PDE11A: variants seen among roughly 807,000 people sequenced by gnomAD.
PDE11A encodes the protein phosphodiesterase 11A, also known as dual 3',5'-cyclic-AMP and -GMP phosphodiesterase 11A.
In PDE11A, 100 loss-of-function variants were observed where a neutral mutation model predicts 100.5. The ratio of observed to expected loss-of-function variants is 1.00; its 90% CI spans 0.85 to 1.18. The LOEUF (loss-of-function observed/expected upper bound fraction) is 1.18, where lower values mean the gene tolerates loss of function less well. Ranked by LOEUF, PDE11A falls within the 50% of genes most tolerant of loss-of-function variation. The probability of loss-of-function intolerance (pLI) is 0.00; values close to 1 mark genes in which losing one functional copy is unlikely to be tolerated. For missense variants in PDE11A, 1,141 were observed against 1,152.6 expected (o/e 0.99, Z 0.15); for synonymous variants, 381 against 420.8 (o/e 0.91, Z 1.16).
In PDE11A at chr2:178,014,522, G is replaced by C. The variant is rs1277359342; in HGVS notation, c.913-62C>G. The C allele has an allele frequency of 1.2e-5, 17 of 1,369,128 alleles. No individual in the cohort carries two copies. The Admixed American group carries it at 1.6e-4, about 13-fold the overall frequency. 84.8% of individuals were successfully genotyped at this position (1,369,128 alleles called of 1,614,324 possible). ...CATTGTTGTCAGGGAGAAGGAGAGA[G>C]AGGTTTATTTCTGCATATGATACCT... On this transcript the variant is annotated intron_variant, in intron 1 of 19. Transcript: ENST00000286063.
At chr2:178,068,518 G>C (rs962583614) in intron 1 of PDE11A, among the ~76,000 whole-genome samples, 1 of 150,474 alleles carries the variant, frequency 6.6e-6, no homozygotes, top group African/African-American at 2.4e-5. Flanking sequence ...AATTCTGTGT[G>C]ATAAAAAAAA....
intron 5 of PDE11A, among the ~76,000 whole-genome samples, chr2:177,843,347 G>T (rs1351628458): frequency 1.3e-5 from 2 of 152,174 alleles, no homozygotes; most frequent in African/African-American, 2.4e-5. Flanking sequence ...AGAATAGTGG[G>T]TTGTCACCTA....
intron 2 of PDE11A, among the ~76,000 whole-genome samples, chr2:178,094,672 A>C (rs1023076103): frequency 6.6e-6 from 1 of 152,226 alleles, no homozygotes; most frequent in Non-Finnish European, 1.5e-5. Flanking sequence ...AGAGTGTTCT[A>C]GTCTATTTTC....
rs41394144 is a variant in PDE11A, at chr2:177,634,915, T to C, written c.2647-5353A>G. Among the ~76,000 whole-genome samples the C allele has an allele frequency of 8.5e-3, 1,292 of 152,290 alleles. 23 individuals carry two copies. The highest frequency in any genetic ancestry group is 0.029 in the African/African-American group (1,198 of 41,560). The stretch of plus-strand genomic sequence containing the variant: ...GAGAATGCTATTGTCTAGTTTGACT[T>C]GCTCCTCAGTGAAAGAGAAGGGGGG... On this transcript the variant is annotated intron_variant, in intron 19 of 19. Coordinates refer to ENST00000286063, the MANE Select transcript of PDE11A (RefSeq NM_016953.4).
chr2:177,861,723 A>G (rs13001148), intron 5 of PDE11A, among the ~76,000 whole-genome samples: 15,842 of 151,948 alleles, frequency 0.1, 1,137 homozygotes, highest in Non-Finnish European at 0.15. Flanking sequence ...GCATGAAGAC[A>G]TACAGATTAA....
rs2079796503 is a variant in PDE11A at position 177,623,828 on chromosome 2, G to A, written c.*5579C>T. ...TAAACAATTTATCTTTAGCAGTGAG[G>A]AGAGAGGTACCAAACATGCAAGAAC... On this transcript the variant is annotated 3_prime_UTR_variant, in exon 20 of 20. Coordinates refer to ENST00000286063, the MANE Select transcript of PDE11A (RefSeq NM_016953.4). 1 of 152,184 alleles carries A rather than the reference G, an allele frequency of 6.6e-6. No homozygotes were observed. Among genetic ancestry groups the A allele is most frequent in the African/African-American group, 2.4e-5 (1 of 41,450 alleles). 9.4% of individuals were successfully genotyped at this position (152,184 alleles called of 1,614,324 possible).
At chr2:177,726,921 GC>G (rs2081607886) in intron 12 of PDE11A, among the ~76,000 whole-genome samples, 1 of 151,844 alleles carries the variant, frequency 6.6e-6, no homozygotes, top group African/African-American at 2.4e-5. Flanking sequence ...ACATATTTAA[GC>G]CAGAAAACAT....
intron 15 of PDE11A, among the ~76,000 whole-genome samples, chr2:177,695,010 T>G (rs1312966049): frequency 6.6e-6 from 1 of 151,792 alleles, no homozygotes; most frequent in African/African-American, 2.4e-5. Flanking sequence ...TTTTTTTTTC[T>G]GTTTGTTTGG....
At chr2:177,667,896 C>G (rs776943031) in intron 18 of PDE11A, among the ~76,000 whole-genome samples, 68 of 152,158 alleles carry the variant, frequency 4.5e-4, no homozygotes, top group Non-Finnish European at 7.5e-4. Flanking sequence ...CTCCTGGGAC[C>G]ATGATACCTG....
At position 177,927,826 on chromosome 2, in the gene PDE11A, C is replaced by T. The variant is rs367922009; in HGVS notation, c.1072-22639G>A. Among the ~76,000 whole-genome samples, 299 of 152,032 alleles carry T rather than the reference C, an allele frequency of 2.0e-3. 3 individuals are homozygous for T. The South Asian group carries it at 0.023, about 12-fold the overall frequency. ...CAGTGGATTTTAAAAGAACATAGTC[C>T]GGATACGGTGGCTCATGCCTGTAAT... On this transcript the variant is annotated intron_variant, in intron 2 of 19. Coordinates refer to ENST00000286063, the MANE Select transcript of PDE11A (RefSeq NM_016953.4).
intron 2 of PDE11A, among the ~76,000 whole-genome samples, chr2:177,973,392 G>A (rs563160079): frequency 0.011 from 377 of 33,940 alleles, 40 homozygotes; most frequent in Admixed American, 0.11. Context: ...CTTAAGAAAC[G>A]GCGCACCACG....
At chr2:177,780,047 T>C (rs558679184) in intron 9 of PDE11A, among the ~76,000 whole-genome samples, 1 of 152,326 alleles carries the variant, frequency 6.6e-6, no homozygotes, top group African/African-American at 2.4e-5. Flanking sequence ...ATTAATATCC[T>C]TGTACAGCTC....
At chr2:177,885,485 CA>C (rs2084416565) in intron 4 of PDE11A, among the ~76,000 whole-genome samples, 1 of 151,950 alleles carries the variant, frequency 6.6e-6, no homozygotes, top group Non-Finnish European at 1.5e-5. Context: ...GTGTATATAA[CA>C]ATAATAGTTT....
At chr2:177,705,437 T>C (rs1256414173) in intron 13 of PDE11A, among the ~76,000 whole-genome samples, 1 of 152,236 alleles carries the variant, frequency 6.6e-6, no homozygotes, top group African/African-American at 2.4e-5. Context: ...AATACCTTTA[T>C]ACATGTAAGT....
intron 10 of PDE11A, among the ~76,000 whole-genome samples, chr2:177,745,103 G>A: frequency 6.6e-6 from 1 of 152,152 alleles, no homozygotes; most frequent in East Asian, 1.9e-4. Flanking sequence ...TTTAGGTCCA[G>A]TGTTTGTAAT....
intron 2 of PDE11A, among the ~76,000 whole-genome samples, chr2:177,950,061 A>G (rs1225845901): frequency 6.6e-6 from 1 of 152,218 alleles, no homozygotes; most frequent in Non-Finnish European, 1.5e-5. Flanking sequence ...TACGTGATTC[A>G]AACTTACAAT....
At position 177,775,006 on chromosome 2, in the gene PDE11A, T is replaced by C. The variant is rs1235117719; in HGVS notation, c.1738-5633A>G. Among the ~76,000 whole-genome samples, 5 of 152,022 alleles carry C rather than the reference T, an allele frequency of 3.3e-5. No individual in the cohort carries two copies. The East Asian group carries it at 9.6e-4, about 29-fold the overall frequency. ...AAAGAAGGAGACAGGAGAATGAGAG[T>C]GATGCAATGTAAGAAAGACTTGACT... On this transcript the variant is annotated intron_variant, in intron 9 of 19. Coordinates refer to ENST00000286063, the MANE Select transcript of PDE11A (RefSeq NM_016953.4).
intron 4 of PDE11A, among the ~76,000 whole-genome samples, chr2:177,876,150 A>G (rs1028802206): frequency 2.6e-5 from 4 of 152,222 alleles, no homozygotes; most frequent in Non-Finnish European, 4.4e-5. Flanking sequence ...ACATTTCACT[A>G]AACATGTACA....
chr2:178,071,859 C>T lies in PDE11A; in HGVS notation c.579G>A (p.Lys193=). 6.2e-7 allele frequency: 1 copy of T among 1,613,866 alleles called. No homozygotes were observed. Among genetic ancestry groups the T allele is most frequent in the East Asian group, 2.2e-5 (1 of 44,882 alleles). ...PRYPPTAIDY[K]CHLKKHNERQ... Reference sequence around the variant, plus strand: ...GCTCATTATGCTTTTTCAGATGGCACTTGTAGTCGATGGCTGTAGGGGGAT... The same window carrying T: ...GCTCATTATGCTTTTTCAGATGGCATTTGTAGTCGATGGCTGTAGGGGGAT... The change falls in exon 1 of 20, where the codon AAG becomes AAA. Residue 193 remains lysine, a synonymous_variant. Transcript: ENST00000286063.
Sources: gnomAD v4.1 joint callset for allele counts (sites outside exome capture counted in the v4.1 genomes callset) on GRCh38, gnomAD v4.1.1 for gene constraint, MANE v1.5 for transcripts, NCBI Gene and HGNC (gene_info 2026-07-23, HGNC 2026-07-21) for gene names.